Variants in RHBDL3 observed in about 807,000 individuals in gnomAD.
The protein encoded by RHBDL3 is rhomboid-related protein 3.
Under a neutral mutation model 48.2 loss-of-function variants are expected in RHBDL3, and 28 were observed. That is an observed-to-expected ratio of 0.58 (90% CI 0.43 to 0.80). The LOEUF (loss-of-function observed/expected upper bound fraction) is 0.80, where lower values mean the gene tolerates loss of function less well. Among genes scored for constraint, RHBDL3 ranks in the 30% least tolerant of loss-of-function variants. RHBDL3 has a pLI of 0.00. For missense variants in RHBDL3, 464 were observed against 542.7 expected (o/e 0.85, Z 1.44); for synonymous variants, 208 against 232.3 (o/e 0.90, Z 0.95).
In RHBDL3 at chr17:32,320,377, A is replaced by G. The variant is rs139657442; in HGVS notation, c.944-581A>G. Among the ~76,000 whole-genome samples, 50 of 152,316 alleles carry G rather than the reference A, an allele frequency of 3.3e-4. No individual in the cohort carries two copies. The East Asian group carries it at 9.6e-3, about 29-fold the overall frequency. ...AGTCTTGCTCTGTCGCCCCAGCTGCAGCGCAGTAGTGCAATCTCAGCTCAC... is the reference window on the plus strand; with the variant it reads ...AGTCTTGCTCTGTCGCCCCAGCTGCGGCGCAGTAGTGCAATCTCAGCTCAC... On this transcript the variant is annotated intron_variant, in intron 8 of 8. Coordinates refer to ENST00000269051, the MANE Select transcript of RHBDL3 (RefSeq NM_138328.3).
intron 4 of RHBDL3, among the ~76,000 whole-genome samples, chr17:32,293,169 A>AGGG (rs1207141383): frequency 3.6e-4 from 17 of 46,686 alleles, no homozygotes; most frequent in African/African-American, 9.8e-4. Context: ...CAGGGGCTGG[A>AGGG]GGGAGGGGGT....
At chr17:32,310,035 C>T (rs2040807492) in intron 7 of RHBDL3, among the ~76,000 whole-genome samples, 1 of 152,022 alleles carries the variant, frequency 6.6e-6, no homozygotes. Flanking sequence ...AGGCGTGAGC[C>T]ACCATGCCCC....
intron 8 of RHBDL3, among the ~76,000 whole-genome samples, chr17:32,319,306 C>T (rs2041051833): frequency 1.3e-5 from 2 of 151,216 alleles, no homozygotes; most frequent in African/African-American, 2.4e-5. Flanking sequence ...CCTGTAGTCC[C>T]AGCTACTGGG....
chr17:32,281,800 C>T (rs113272418), intron 2 of RHBDL3, among the ~76,000 whole-genome samples: 1,925 of 152,322 alleles, frequency 0.013, 51 homozygotes, highest in African/African-American at 0.043. Context: ...CTGTGAGACT[C>T]ATGGAGCCCC....
chr17:32,284,915 C>A, intron 3 of RHBDL3, 98 bp downstream of exon 3: 1 of 1,101,488 alleles, frequency 9.1e-7, no homozygotes, highest in Non-Finnish European at 1.3e-6. Context: ...GATCTGTTGG[C>A]CTGCAGCATT....
At chr17:32,315,581 G>A (rs2040950843) in intron 7 of RHBDL3, among the ~76,000 whole-genome samples, 1 of 151,982 alleles carries the variant, frequency 6.6e-6, no homozygotes, top group African/African-American at 2.4e-5. Flanking sequence ...TGAAACCCCC[G>A]ATGGTTGGGA....
intron 7 of RHBDL3, among the ~76,000 whole-genome samples, chr17:32,308,339 T>G (rs2040759121): frequency 6.6e-6 from 1 of 152,126 alleles, no homozygotes; most frequent in Non-Finnish European, 1.5e-5. Flanking sequence ...TCCCAGCACT[T>G]TGGGAGGTCA....
At chr17:32,269,853 G>C (rs1376688060) in intron 2 of RHBDL3, among the ~76,000 whole-genome samples, 1 of 152,146 alleles carries the variant, frequency 6.6e-6, no homozygotes, top group Non-Finnish European at 1.5e-5. Context: ...TTGGGTGAAA[G>C]GAAGAGAGCT....
intron 7 of RHBDL3, among the ~76,000 whole-genome samples, chr17:32,310,307 C>A (rs1307282246): frequency 6.6e-6 from 1 of 152,048 alleles, no homozygotes; most frequent in East Asian, 1.9e-4. Context: ...ATTGGCCGGG[C>A]GTGGTGGCTC....
intron 7 of RHBDL3, among the ~76,000 whole-genome samples, chr17:32,313,471 A>C (rs1487382877): frequency 6.6e-6 from 1 of 152,224 alleles, no homozygotes; most frequent in African/African-American, 2.4e-5. Context: ...CATTAAGTAC[A>C]TTCATACATT....
At chr17:32,288,731 T>TG in intron 3 of RHBDL3, 61 bp from the exon 4 acceptor site, 3 of 1,274,320 alleles carry the variant, frequency 2.4e-6, no homozygotes, top group Non-Finnish European at 3.3e-6. Flanking sequence ...GGCTGGGAAG[T>TG]GGGTGGGGAG....
intron 1 of RHBDL3, among the ~76,000 whole-genome samples, chr17:32,266,786 C>G (rs1420400901): frequency 6.6e-6 from 1 of 152,174 alleles, no homozygotes; most frequent in Non-Finnish European, 1.5e-5. Flanking sequence ...TGCCTTGCCG[C>G]GACACTGATT....
intron 7 of RHBDL3, among the ~76,000 whole-genome samples, chr17:32,310,511 G>A (rs1011067437): frequency 7.2e-5 from 11 of 151,988 alleles, no homozygotes; most frequent in Non-Finnish European, 1.3e-4. Context: ...TCAGGAGTTC[G>A]AGACCAGCCT....
chr17:32,284,644 CT>C lies in RHBDL3; in HGVS notation c.136-14del. The C allele has an allele frequency of 6.2e-7, 1 of 1,612,960 alleles. No homozygotes were observed. The highest frequency in any genetic ancestry group is 8.5e-7 in the Non-Finnish European group (1 of 1,178,998). ...GGTGCCCTGCTGACCCTGCTGCTGT[CT>C]GCTTTTCCCTCAGTTTGACCCTGGG... On this transcript the variant is annotated splice_polypyrimidine_tract_variant and intron_variant, in intron 2 of 8. Coordinates refer to ENST00000269051, the MANE Select transcript of RHBDL3 (RefSeq NM_138328.3).
chr17:32,311,343 T>C (rs906799069), intron 7 of RHBDL3, among the ~76,000 whole-genome samples: 6 of 152,130 alleles, frequency 3.9e-5, no homozygotes, highest in African/African-American at 1.4e-4. Flanking sequence ...GAATATTGGA[T>C]TAGGGAAGTA....
chr17:32,318,368 GGCTCACGCCTGTACTCCC>G, intron 8 of RHBDL3, among the ~76,000 whole-genome samples: 1 of 149,604 alleles, frequency 6.7e-6, no homozygotes, highest in Non-Finnish European at 1.5e-5. Context: ...CAGGCGCAGT[GGCTCACGCCTGTACTCCC>G]AGCACTTTGA....
At chr17:32,301,486 G>A (rs755491328) in intron 6 of RHBDL3, among the ~76,000 whole-genome samples, 2 of 151,156 alleles carry the variant, frequency 1.3e-5, no homozygotes, top group Non-Finnish European at 2.9e-5. Flanking sequence ...CCAGGGCCTA[G>A]CACAGGGCTT....
At chr17:32,314,475 G>A (rs950211419) in intron 7 of RHBDL3, among the ~76,000 whole-genome samples, 2 of 152,030 alleles carry the variant, frequency 1.3e-5, no homozygotes, top group African/African-American at 2.4e-5. Context: ...GAGCCACCGC[G>A]CCCAGCCGGG....
chr17:32,306,006 A>G (rs1258907052), intron 7 of RHBDL3, among the ~76,000 whole-genome samples: 1 of 152,132 alleles, frequency 6.6e-6, no homozygotes, highest in African/African-American at 2.4e-5. Flanking sequence ...GGCTTTAGAG[A>G]TTATCTCATC....
Sources: gnomAD v4.1 joint callset for allele counts (sites outside exome capture counted in the v4.1 genomes callset) on GRCh38, gnomAD v4.1.1 for gene constraint, MANE v1.5 for transcripts, NCBI Gene and HGNC (gene_info 2026-07-23, HGNC 2026-07-21) for gene names.